SLC44A1: variants seen among roughly 807,000 people sequenced by gnomAD.
The protein encoded by SLC44A1 is solute carrier family 44 member 1, also known as choline transporter-like protein 1.
SLC44A1 carries 26 observed loss-of-function variants against 79.3 expected under a neutral mutation model. The observed-to-expected ratio is 0.33, with a 90% CI of 0.24 to 0.46. The LOEUF is 0.46. Among genes scored for constraint, SLC44A1 ranks in the 20% least tolerant of loss-of-function variants. The pLI is 1.00. For missense variants in SLC44A1, 688 were observed against 798.1 expected (o/e 0.86, Z 1.66); for synonymous variants, 263 against 286.2 (o/e 0.92, Z 0.82).
chr9:105,333,504 C>T (rs1826817322), intron 3 of SLC44A1, among the ~76,000 whole-genome samples: 1 of 152,036 alleles, frequency 6.6e-6, no homozygotes, highest in African/African-American at 2.4e-5. Flanking sequence ...TTTTAAAAGT[C>T]TTTATCATTA....
At position 105,309,772 on chromosome 9, in the gene SLC44A1, G is replaced by A. The variant is rs371210649; in HGVS notation, c.175G>A (p.Val59Met). The part of the protein sequence containing the change: ...SIATGAAARL[V>M]SGYDSYGNIC... ...AGCAACAGGTGCAGCAGCAAGACTA[G>A]TGTCAGGATACGACAGCTATGGAAA... Residue 59 changes from valine to methionine, a missense_variant, in exon 3 of 16, where the codon GTG becomes ATG. Coordinates refer to ENST00000374720, the MANE Select transcript of SLC44A1 (RefSeq NM_080546.5). The A allele has an allele frequency of 2.5e-6, 4 of 1,613,942 alleles. No individual in the cohort carries two copies. The highest frequency in any genetic ancestry group is 1.3e-5 in the African/African-American group (1 of 75,034).
Position 105,395,504 on chromosome 9 carries a change from C to A in SLC44A1, c.*6448C>A. 1 of 983,506 alleles carries A rather than the reference C, an allele frequency of 1.0e-6. No homozygotes were observed. Among genetic ancestry groups the A allele is most frequent in the Non-Finnish European group, 1.2e-6 (1 of 828,132 alleles). The allele number at this position is 983,506 out of a possible 1,614,324, so 60.9% of individuals were successfully genotyped here. A position where few individuals can be genotyped will look rare whatever the true frequency, so the allele number is the denominator to read the frequency against. On this transcript the variant is annotated 3_prime_UTR_variant, in exon 16 of 16. Coordinates refer to ENST00000374720, the MANE Select transcript of SLC44A1 (RefSeq NM_080546.5). The stretch of plus-strand genomic sequence containing the variant: ...AAAGTGCTGGGATTACAGGCATGAG[C>A]CACCGCGCCCGGCCTAGAAGAGTTT...
intron 12 of SLC44A1, among the ~76,000 whole-genome samples, chr9:105,372,391 C>T (rs1828130955): frequency 6.6e-6 from 1 of 151,964 alleles, no homozygotes; most frequent in Non-Finnish European, 1.5e-5. Flanking sequence ...CTGGTTCACG[C>T]AATTCTCCTG....
At chr9:105,426,718 G>A (rs997508416) in intron 15 of SLC44A1, among the ~76,000 whole-genome samples, 2 of 152,136 alleles carry the variant, frequency 1.3e-5, no homozygotes, top group African/African-American at 4.8e-5. Context: ...AAATTATTAA[G>A]TGGATAAATT....
intron 15 of SLC44A1, among the ~76,000 whole-genome samples, chr9:105,415,764 A>G (rs774731385): frequency 2.6e-5 from 4 of 152,214 alleles, no homozygotes; most frequent in Admixed American, 6.5e-5. Context: ...ACTAGCTTTC[A>G]GGTAGAAACA....
rs371750477 is a variant in SLC44A1, at chr9:105,421,839, G to A, written c.1951-16442G>A. On this transcript the variant is annotated intron_variant, in intron 15 of 15. Coordinates refer to the SLC44A1 transcript ENST00000374724. Reference sequence around the variant, plus strand: ...CCTGACCTCTTGATCCACCCGCCTCGGCCTCCCAAAGTGCTGGGATTACAG... The same window carrying A: ...CCTGACCTCTTGATCCACCCGCCTCAGCCTCCCAAAGTGCTGGGATTACAG... Among the ~76,000 whole-genome samples, 6 of 152,152 alleles carry A rather than the reference G, an allele frequency of 3.9e-5. No homozygotes were observed. In the East Asian group the frequency reaches 7.7e-4, roughly 20 times the overall value.
chr9:105,393,801 T>C lies in SLC44A1; in HGVS notation c.*4745T>C. 1.0e-6 allele frequency: 1 copy of C among 985,278 alleles called. No homozygotes were observed. Among genetic ancestry groups the C allele is most frequent in the Middle Eastern group, 5.2e-4 (1 of 1,914 alleles). The allele number at this position is 985,278 out of a possible 1,614,324, so 61.0% of individuals were successfully genotyped here. A position where few individuals can be genotyped will look rare whatever the true frequency, so the allele number is the denominator to read the frequency against. On this transcript the variant is annotated 3_prime_UTR_variant, in exon 16 of 16. Coordinates refer to ENST00000374720, the MANE Select transcript of SLC44A1 (RefSeq NM_080546.5). ...AGATTGTTCGAGACCTATTAGGCTA[T>C]TCTTCAGTTTTGATGCTCAGTTTTA...
chr9:105,376,780 G>C (rs1828305018), intron 13 of SLC44A1, among the ~76,000 whole-genome samples: 1 of 152,138 alleles, frequency 6.6e-6, no homozygotes, highest in South Asian at 2.1e-4. Context: ...AGATACTTTG[G>C]GTACCAGGCA....
intron 1 of SLC44A1, among the ~76,000 whole-genome samples, chr9:105,265,307 A>G (rs1431013208): frequency 2.6e-5 from 4 of 152,116 alleles, no homozygotes; most frequent in Non-Finnish European, 4.4e-5. Context: ...TTGTCATCAG[A>G]TCACTCCTCT....
At chr9:105,301,889 A>G (rs1830890343) in intron 2 of SLC44A1, among the ~76,000 whole-genome samples, 2 of 152,218 alleles carry the variant, frequency 1.3e-5, no homozygotes, top group South Asian at 4.1e-4. Context: ...GTAATCTTGC[A>G]GCCTGACACT....
Position 105,316,995 on chromosome 9 carries a change from G to T in SLC44A1, c.269+7129G>T, listed in dbSNP as rs187970333. Reference sequence around the variant, plus strand: ...TTTTGAAGGCTGAAATCAAAGTGTTGACAGGGCTGTGATTTTTTTCTTGAG... The same window carrying T: ...TTTTGAAGGCTGAAATCAAAGTGTTTACAGGGCTGTGATTTTTTTCTTGAG... On this transcript the variant is annotated intron_variant, in intron 3 of 15. Transcript: ENST00000374720. Among the ~76,000 whole-genome samples, 4 of 152,298 alleles carry T rather than the reference G, an allele frequency of 2.6e-5. No individual in the cohort carries two copies. In the East Asian group the frequency reaches 7.7e-4, roughly 29 times the overall value.
intron 3 of SLC44A1, among the ~76,000 whole-genome samples, chr9:105,324,329 C>T (rs1050899249): frequency 5.9e-5 from 9 of 151,710 alleles, no homozygotes; most frequent in African/African-American, 2.2e-4. Context: ...CGGCTCACTG[C>T]AACCTCCACC....
chr9:105,308,458 C>T (rs1831089732), intron 2 of SLC44A1, among the ~76,000 whole-genome samples: 1 of 152,156 alleles, frequency 6.6e-6, no homozygotes, highest in African/African-American at 2.4e-5. Flanking sequence ...TCTCAGTCTA[C>T]TTTTTTACGA....
At chr9:105,388,400 TAA>T (rs1828684203) in intron 15 of SLC44A1, among the ~76,000 whole-genome samples, 1 of 152,208 alleles carries the variant, frequency 6.6e-6, no homozygotes, top group Admixed American at 6.5e-5. Context: ...GAAAGTTCTA[TAA>T]AAGAGCATCA....
chr9:105,245,062 T>C (rs1234567137), intron 1 of SLC44A1, among the ~76,000 whole-genome samples, 158 bp downstream of exon 1: 1 of 149,906 alleles, frequency 6.7e-6, no homozygotes, highest in East Asian at 2.1e-4. Flanking sequence ...GTCCGCCGGG[T>C]CCCGCCGATG....
At chr9:105,291,398 G>A (rs1050424903) in intron 1 of SLC44A1, among the ~76,000 whole-genome samples, 3 of 152,152 alleles carry the variant, frequency 2.0e-5, no homozygotes, top group East Asian at 3.8e-4. Context: ...AAATGTCTAC[G>A]CAGCGGTGAC....
At chr9:105,263,781 C>G (rs1829896629) in intron 1 of SLC44A1, among the ~76,000 whole-genome samples, 1 of 152,110 alleles carries the variant, frequency 6.6e-6, no homozygotes, top group African/African-American at 2.4e-5. Context: ...AGGTGATCCA[C>G]CCGTCTCAGC....
chr9:105,407,633 G>A (rs1829044866), intron 15 of SLC44A1, among the ~76,000 whole-genome samples: 2 of 152,024 alleles, frequency 1.3e-5, no homozygotes, highest in Admixed American at 1.3e-4. Context: ...ACTTTGGGAG[G>A]CTGAGGCAGG....
At chr9:105,314,702 C>T (rs992972061) in intron 3 of SLC44A1, among the ~76,000 whole-genome samples, 12 of 152,116 alleles carry the variant, frequency 7.9e-5, no homozygotes, top group African/African-American at 1.9e-4. Context: ...TAGAGGTCTG[C>T]GGAGGATGAT....
Sources: allele counts gnomAD v4.1 joint callset (sites outside exome capture counted in the v4.1 genomes callset), GRCh38; gene constraint gnomAD v4.1.1; transcripts MANE v1.5; gene names NCBI Gene and HGNC (gene_info 2026-07-23, HGNC 2026-07-21).